Variants in CCSER1 observed in about 807,000 individuals in gnomAD.
The protein encoded by CCSER1 is serine-rich coiled-coil domain-containing protein 1.
Under a neutral mutation model 82.0 loss-of-function variants are expected in CCSER1, and 41 were observed. The ratio of observed to expected loss-of-function variants is 0.50; its 90% CI spans 0.39 to 0.65. The LOEUF (loss-of-function observed/expected upper bound fraction) is 0.65. Ranked by LOEUF, CCSER1 falls within the 30% of genes least tolerant of loss-of-function variation. CCSER1 has a pLI of 0.00. For synonymous variants in CCSER1, 414 were observed against 383.9 expected, an observed-to-expected ratio of 1.08 and a Z score of -0.92; for missense variants, 1,119 against 1,064.2, an observed-to-expected ratio of 1.05 and a Z score of -0.72.
intron 10 of CCSER1, among the ~76,000 whole-genome samples, chr4:91,478,558 T>C (rs1757719568): frequency 2.0e-5 from 3 of 151,956 alleles, no homozygotes; most frequent in African/African-American, 7.2e-5. Flanking sequence ...GCAAATGTAT[T>C]AAATTCTAGT....
intron 10 of CCSER1, among the ~76,000 whole-genome samples, chr4:91,231,075 T>C (rs1738589747): frequency 6.6e-6 from 1 of 151,940 alleles, no homozygotes; most frequent in African/African-American, 2.4e-5. Flanking sequence ...AATAAAGATT[T>C]GATTTAGCTA....
intron 10 of CCSER1, among the ~76,000 whole-genome samples, chr4:91,387,860 G>A (rs993253150): frequency 1.3e-5 from 2 of 151,892 alleles, no homozygotes; most frequent in African/African-American, 4.8e-5. Flanking sequence ...TAAAAGACAG[G>A]TAATTCTTTA....
chr4:90,523,103 G>A (rs1237555618), intron 5 of CCSER1, among the ~76,000 whole-genome samples: 1 of 152,094 alleles, frequency 6.6e-6, no homozygotes, highest in Non-Finnish European at 1.5e-5. Context: ...GTTAAGAATG[G>A]CAGAATCAAA....
Position 90,440,968 on chromosome 4 carries a change from A to G in CCSER1, c.1604-27266A>G, listed in dbSNP as rs118046053. On this transcript the variant is annotated intron_variant, in intron 4 of 10. Coordinates refer to ENST00000509176, the MANE Select transcript of CCSER1 (RefSeq NM_001145065.2). ...GGATTTTCTTCTGACTAGAAAAAAA[A>G]AAGATAGTAGGGTTAGAAAAGATAG... 2.4e-3 allele frequency among the ~76,000 whole-genome samples: 366 copies of G among 152,268 alleles called. 9 individuals carry two copies. In the East Asian group the frequency reaches 0.037, roughly 16 times the overall value.
At chr4:90,236,985 G>T (rs1388163532) in intron 1 of CCSER1, among the ~76,000 whole-genome samples, 1 of 152,104 alleles carries the variant, frequency 6.6e-6, no homozygotes, top group African/African-American at 2.4e-5. Context: ...AAACAAACCA[G>T]TGATGGTACT....
At chr4:90,363,017 G>A (rs1359943983) in intron 3 of CCSER1, among the ~76,000 whole-genome samples, 1 of 152,028 alleles carries the variant, frequency 6.6e-6, no homozygotes, top group Admixed American at 6.6e-5. Context: ...AACATTTAAT[G>A]TTGTACTGAC....
In CCSER1 at chr4:90,308,612, A is replaced by AGG; in HGVS notation, c.328_329insGG (p.Lys110ArgfsTer19). 1 of 1,613,904 alleles carries AGG rather than the reference A, an allele frequency of 6.2e-7. No individual in the cohort carries two copies. Among genetic ancestry groups the AGG allele is most frequent in the Non-Finnish European group, 8.5e-7 (1 of 1,179,854 alleles). ...GAAACTGAGTTTGGAAGAACATATTAAGACCAGGGGAAGACATTCTGTTGG... is the reference window on the plus strand; with the variant it reads ...GAAACTGAGTTTGGAAGAACATATTAGGAGACCAGGGGAAGACATTCTGTTGG... On this transcript the variant is annotated frameshift_variant, in exon 2 of 11. Transcript: ENST00000509176. LOFTEE classifies it high-confidence loss of function.
chr4:90,198,033 T>C (rs1736932062), intron 1 of CCSER1, among the ~76,000 whole-genome samples: 1 of 152,132 alleles, frequency 6.6e-6, no homozygotes. Context: ...AAACATCTCA[T>C]GTACCCCATA....
chr4:91,294,603 C>T (rs1744018196), intron 10 of CCSER1, among the ~76,000 whole-genome samples: 1 of 151,644 alleles, frequency 6.6e-6, no homozygotes, highest in Non-Finnish European at 1.5e-5. Context: ...TGTTTTGAGC[C>T]CATCTGTTAG....
At chr4:90,297,220 G>A (rs1312863031) in intron 1 of CCSER1, among the ~76,000 whole-genome samples, 2 of 150,044 alleles carry the variant, frequency 1.3e-5, no homozygotes, top group African/African-American at 5.0e-5. Flanking sequence ...TCCCTTGTAA[G>A]TTGGATTCCT....
chr4:91,085,985 A>G lies in CCSER1; in HGVS notation c.2208A>G (p.Gly736=). The G allele has an allele frequency of 6.6e-7, 1 of 1,516,774 alleles. No individual in the cohort carries two copies. The highest frequency in any genetic ancestry group is 9.0e-7 in the Non-Finnish European group (1 of 1,115,718). The allele number at this position is 1,516,774 out of a possible 1,614,324, so 94.0% of individuals were successfully genotyped here. Residue 736 remains glycine, a synonymous_variant, in exon 10 of 11, where the codon GGA becomes GGG. Transcript: ENST00000509176. ...TGAAAAGACTAGAGACAGTACAAGGAGGGAGAGAGGTAAGAATGTTTAAAG... is the reference window on the plus strand; with the variant it reads ...TGAAAAGACTAGAGACAGTACAAGGGGGGAGAGAGGTAAGAATGTTTAAAG... The part of the protein sequence containing the change: ...LNLKRLETVQ[G]GREATYRNRI...
At chr4:91,337,252 C>T (rs1747383484) in intron 10 of CCSER1, among the ~76,000 whole-genome samples, 1 of 152,048 alleles carries the variant, frequency 6.6e-6, no homozygotes, top group African/African-American at 2.4e-5. Flanking sequence ...AATGATAATG[C>T]TTACTTATAA....
intron 6 of CCSER1, among the ~76,000 whole-genome samples, chr4:90,659,715 G>A (rs1730403219): frequency 6.6e-6 from 1 of 151,754 alleles, no homozygotes; most frequent in Non-Finnish European, 1.5e-5. Context: ...ACTCTATATA[G>A]CATTTAAACT....
intron 7 of CCSER1, among the ~76,000 whole-genome samples, chr4:90,733,513 T>A (rs1157145967): frequency 1.3e-5 from 2 of 152,184 alleles, no homozygotes; most frequent in Non-Finnish European, 2.9e-5. Context: ...TCCTTTGTTG[T>A]GCAAAAGCTT....
At chr4:90,761,202 C>T (rs1195928103) in intron 7 of CCSER1, among the ~76,000 whole-genome samples, 1 of 152,066 alleles carries the variant, frequency 6.6e-6, no homozygotes, top group African/African-American at 2.4e-5. Context: ...TACCCTCACA[C>T]TTGTATGGTA....
At chr4:90,415,207 G>T (rs1420955289) in intron 4 of CCSER1, among the ~76,000 whole-genome samples, 2 of 152,130 alleles carry the variant, frequency 1.3e-5, no homozygotes, top group Non-Finnish European at 2.9e-5. Context: ...GAACTGAAAT[G>T]TATTTTGCTC....
intron 10 of CCSER1, among the ~76,000 whole-genome samples, chr4:91,541,689 C>T (rs1049700378): frequency 2.2e-4 from 34 of 152,076 alleles, no homozygotes; most frequent in East Asian, 1.3e-3. Context: ...AATAAACATA[C>T]GTGTGCATGT....
chr4:90,581,145 G>A (rs1368974779), intron 5 of CCSER1, among the ~76,000 whole-genome samples: 1 of 151,814 alleles, frequency 6.6e-6, no homozygotes. Flanking sequence ...ATATATAGTA[G>A]GATAAATATT....
At chr4:90,414,010 A>ATATATATATATATATATATATC (rs1755420770) in intron 4 of CCSER1, among the ~76,000 whole-genome samples, 2 of 115,302 alleles carry the variant, frequency 1.7e-5, no homozygotes, top group Admixed American at 2.0e-4. Context: ...ATATATATAT[A>ATATATATATATATATATATATC]TCTTCTTCCT....
Sources: gnomAD v4.1 joint callset for allele counts (sites outside exome capture counted in the v4.1 genomes callset) on GRCh38, gnomAD v4.1.1 for gene constraint, MANE v1.5 for transcripts, NCBI Gene and HGNC (gene_info 2026-07-23, HGNC 2026-07-21) for gene names.